Variants in WNK3 observed in about 807,000 individuals in gnomAD.
WNK3 encodes WNK lysine deficient protein kinase 3.
A neutral mutation model predicts 116.7 loss-of-function variants in WNK3; 18 were observed. That is an observed-to-expected ratio of 0.15 (90% CI 0.11 to 0.23). The LOEUF (loss-of-function observed/expected upper bound fraction) is 0.23, where lower values mean the gene tolerates loss of function less well. Among genes scored for constraint, WNK3 ranks in the 10% least tolerant of loss-of-function variants. The pLI, the probability that WNK3 is intolerant of heterozygous loss-of-function variation, is 1.00. For synonymous variants in WNK3, 404 were observed against 469.4 expected (o/e 0.86, Z 1.80); for missense variants, 993 against 1,323.8 (o/e 0.75, Z 3.88).
intron 2 of WNK3, among the ~76,000 whole-genome samples, chrX:54,331,512 T>A (rs191887524): frequency 2.9e-4 from 32 of 110,456 alleles, no homozygotes; most frequent in African/African-American, 1.0e-3. Context: ...TATCTAATAT[T>A]TCTACTACAA....
At chrX:54,205,148 G>T (rs149843406) in intron 22 of WNK3, among the ~76,000 whole-genome samples, 2,489 of 110,441 alleles carry the variant, frequency 0.023, 25 homozygotes, top group Non-Finnish European at 0.033. Context: ...CTGGGTGGTG[G>T]AGGCTGCAGT....
intron 10 of WNK3, among the ~76,000 whole-genome samples, chrX:54,290,504 G>A (rs1328087301): frequency 1.8e-5 from 2 of 111,804 alleles, no homozygotes; most frequent in Non-Finnish European, 3.8e-5. Flanking sequence ...TATCAAAAAG[G>A]TGCTAGGTAT....
At chrX:54,350,302 C>CGGGA (rs1217523328) in intron 1 of WNK3, among the ~76,000 whole-genome samples, 1 of 109,081 alleles carries the variant, frequency 9.2e-6, no homozygotes, top group African/African-American at 3.3e-5. Flanking sequence ...CCCAGCTACT[C>CGGGA]GGGAGGCTGA....
intron 10 of WNK3, among the ~76,000 whole-genome samples, chrX:54,279,264 C>A (rs1213097089): frequency 9.1e-6 from 1 of 109,324 alleles, no homozygotes; most frequent in East Asian, 2.8e-4. Flanking sequence ...TTTTTCTCTT[C>A]GTAATTTCTT....
At chrX:54,217,107 C>G (rs924749343) in intron 22 of WNK3, among the ~76,000 whole-genome samples, 2 of 109,060 alleles carry the variant, frequency 1.8e-5, no homozygotes, top group Non-Finnish European at 3.8e-5. Flanking sequence ...ATCACGAGGT[C>G]GGAGATCGAG....
chrX:54,349,539 C>T (rs2069484040), intron 1 of WNK3, among the ~76,000 whole-genome samples: 2 of 111,354 alleles, frequency 1.8e-5, no homozygotes, highest in Admixed American at 1.9e-4. Flanking sequence ...TCACAATTCC[C>T]CTCCCCCCAC....
At chrX:54,238,840 T>C (rs1226803134) in intron 18 of WNK3, 28 bp downstream of exon 18, 2 of 1,046,607 alleles carry the variant, frequency 1.9e-6, no homozygotes, top group African/African-American at 3.8e-5. Flanking sequence ...TGTTACCTAG[T>C]CTATGTCCCT....
At chrX:54,239,902 T>C (rs2068004380) in intron 17 of WNK3, among the ~76,000 whole-genome samples, 1 of 111,900 alleles carries the variant, frequency 8.9e-6, no homozygotes, top group South Asian at 3.7e-4. Flanking sequence ...ACTACTAATC[T>C]AGAAGATTAA....
intron 13 of WNK3, among the ~76,000 whole-genome samples, chrX:54,253,393 A>G (rs2068157316): frequency 9.0e-6 from 1 of 110,679 alleles, no homozygotes; most frequent in Admixed American, 9.7e-5. Flanking sequence ...AGCCTCCCAA[A>G]GTGCTGGGAT....
chrX:54,290,942 C>T (rs1270914852), intron 10 of WNK3, among the ~76,000 whole-genome samples: 2 of 111,499 alleles, frequency 1.8e-5, no homozygotes, highest in Non-Finnish European at 3.8e-5. Flanking sequence ...ATGTGATATA[C>T]ATGTGTATAT....
intron 10 of WNK3, among the ~76,000 whole-genome samples, chrX:54,280,380 A>C: frequency 8.9e-6 from 1 of 111,840 alleles, no homozygotes; most frequent in Admixed American, 9.6e-5. Flanking sequence ...AGAAATTCCT[A>C]CAGAATCTAC....
At chrX:54,206,134 C>A (rs2067551512) in intron 22 of WNK3, among the ~76,000 whole-genome samples, 2 of 111,543 alleles carry the variant, frequency 1.8e-5, no homozygotes, top group Admixed American at 9.6e-5. Flanking sequence ...CATGGTGACT[C>A]CCATCTGTAA....
chrX:54,328,448 CA>C (rs2069130704), intron 2 of WNK3, among the ~76,000 whole-genome samples: 1 of 107,849 alleles, frequency 9.3e-6, no homozygotes, highest in Admixed American at 1.0e-4. Context: ...GGCATCTCTA[CA>C]AAATATTTCA....
chrX:54,277,078 G>A (rs781911953), intron 10 of WNK3, among the ~76,000 whole-genome samples: 1 of 110,898 alleles, frequency 9.0e-6, no homozygotes, highest in African/African-American at 3.3e-5. Context: ...TACCTCAACT[G>A]GATAAAGAGC....
At chrX:54,338,490 G>A (rs1055208662) in intron 1 of WNK3, among the ~76,000 whole-genome samples, 7 of 109,962 alleles carry the variant, frequency 6.4e-5, no homozygotes, top group Admixed American at 3.9e-4. Flanking sequence ...GGGAGGCTGA[G>A]GTGGGAGGAT....
intron 10 of WNK3, among the ~76,000 whole-genome samples, chrX:54,280,891 T>C (rs1417508836): frequency 9.0e-6 from 1 of 110,813 alleles, no homozygotes; most frequent in African/African-American, 3.3e-5. Context: ...TCATGCAATA[T>C]ACCTCTGTGA....
exon 2 of WNK3, chrX:54,333,521 T>C: frequency 8.3e-7 from 1 of 1,211,760 alleles, no homozygotes; most frequent in Non-Finnish European, 1.1e-6. Context: ...TTTCTACAGT[T>C]TCCCCAGAAG....
At chrX:54,308,909 G>A (rs1274780281) in intron 4 of WNK3, among the ~76,000 whole-genome samples, 186 bp downstream of exon 4, 1 of 111,975 alleles carries the variant, frequency 8.9e-6, no homozygotes, top group East Asian at 2.8e-4. Flanking sequence ...ACTTGTAGGT[G>A]CAAAAGCAGT....
At chrX:54,346,115 C>A (rs1391348166) in intron 1 of WNK3, among the ~76,000 whole-genome samples, 4 of 18,185 alleles carry the variant, frequency 2.2e-4, no homozygotes, top group Non-Finnish European at 3.7e-4. Flanking sequence ...TATACACACA[C>A]ACATATGTGT....
Sources: allele counts gnomAD v4.1 joint callset (sites outside exome capture counted in the v4.1 genomes callset), GRCh38; gene constraint gnomAD v4.1.1; transcripts MANE v1.5; gene names NCBI Gene and HGNC (gene_info 2026-07-23, HGNC 2026-07-21).